Variants in ETV6 observed in about 807,000 individuals in gnomAD.
ETV6 encodes the protein ETS variant transcription factor 6, also known as transcription factor ETV6.
A neutral mutation model predicts 51.1 loss-of-function variants in ETV6; 16 were observed. The observed-to-expected ratio is 0.31, with a 90% confidence interval of 0.21 to 0.48. The LOEUF is 0.48. Among genes scored for constraint, ETV6 ranks in the 20% least tolerant of loss-of-function variants. The pLI, the probability that ETV6 is intolerant of heterozygous loss-of-function variation, is 0.99. For synonymous variants in ETV6, 240 were observed against 224.1 expected, an observed-to-expected ratio of 1.07 and a Z score of -0.64; for missense variants, 458 against 594.8, an observed-to-expected ratio of 0.77 and a Z score of 2.39.
intron 2 of ETV6, among the ~76,000 whole-genome samples, chr12:11,760,647 A>G (rs1945070827): frequency 6.6e-6 from 1 of 152,166 alleles, no homozygotes; most frequent in Non-Finnish European, 1.5e-5. Context: ...ATTGAGAAGT[A>G]TCATTGTTAG....
At chr12:11,694,409 G>C (rs1041719156) in intron 1 of ETV6, among the ~76,000 whole-genome samples, 4 of 152,278 alleles carry the variant, frequency 2.6e-5, no homozygotes, top group Middle Eastern at 3.4e-3. Flanking sequence ...CCCATCTGTT[G>C]CTTTTATAAA....
At chr12:11,781,209 G>C (rs186268722) in intron 2 of ETV6, among the ~76,000 whole-genome samples, 1 of 152,116 alleles carries the variant, frequency 6.6e-6, no homozygotes, top group Non-Finnish European at 1.5e-5. Flanking sequence ...GAATTGTGAA[G>C]GACCTCAGAG....
At chr12:11,824,153 G>A (rs1185755562) in intron 2 of ETV6, among the ~76,000 whole-genome samples, 1 of 152,202 alleles carries the variant, frequency 6.6e-6, no homozygotes, top group East Asian at 1.9e-4. Context: ...GGCAGCAGCA[G>A]TGTAACTCTC....
At chr12:11,859,760 A>G (rs758778308) in intron 4 of ETV6, among the ~76,000 whole-genome samples, 1 of 152,152 alleles carries the variant, frequency 6.6e-6, no homozygotes, top group African/African-American at 2.4e-5. Flanking sequence ...GCGCCCTGAA[A>G]ATAGAGCACA....
intron 7 of ETV6, among the ~76,000 whole-genome samples, chr12:11,889,225 G>T (rs1329688107): frequency 6.6e-6 from 1 of 152,194 alleles, no homozygotes; most frequent in African/African-American, 2.4e-5. Flanking sequence ...GAGAAAAACT[G>T]CAGATGCTAC....
At chr12:11,809,165 CA>C (rs11458715) in intron 2 of ETV6, among the ~76,000 whole-genome samples, 64 of 132,242 alleles carry the variant, frequency 4.8e-4, no homozygotes, top group Non-Finnish European at 4.7e-4. Context: ...GACCCTGTGT[CA>C]AAAAAAAAAA....
At chr12:11,656,086 T>C (rs1192211551) in intron 1 of ETV6, among the ~76,000 whole-genome samples, 1 of 152,232 alleles carries the variant, frequency 6.6e-6, no homozygotes, top group Non-Finnish European at 1.5e-5. Flanking sequence ...ACCGGCATCA[T>C]TTATTGAATG....
intron 1 of ETV6, among the ~76,000 whole-genome samples, chr12:11,729,911 C>T (rs1277285602): frequency 6.6e-6 from 1 of 152,038 alleles, no homozygotes; most frequent in Non-Finnish European, 1.5e-5. Flanking sequence ...GGGTTTTATC[C>T]CTATGTGTTT....
chr12:11,685,743 T>C (rs1864617523), intron 1 of ETV6, among the ~76,000 whole-genome samples: 1 of 152,228 alleles, frequency 6.6e-6, no homozygotes, highest in Admixed American at 6.5e-5. Flanking sequence ...CTTAATCTTT[T>C]CTGTAATAAA....
chr12:11,826,916 T>C (rs1946161853), intron 2 of ETV6, among the ~76,000 whole-genome samples: 1 of 152,060 alleles, frequency 6.6e-6, no homozygotes, highest in Non-Finnish European at 1.5e-5. Context: ...TTAGTAACCT[T>C]TACAACTCTA....
intron 2 of ETV6, among the ~76,000 whole-genome samples, chr12:11,790,383 T>C (rs1457799992): frequency 2.0e-5 from 3 of 152,174 alleles, no homozygotes; most frequent in African/African-American, 4.8e-5. Flanking sequence ...AGGCAAGTTC[T>C]CCGTGCCTGG....
At chr12:11,880,011 A>C (rs1256247603) in intron 5 of ETV6, among the ~76,000 whole-genome samples, 2 of 145,044 alleles carry the variant, frequency 1.4e-5, no homozygotes, top group Non-Finnish European at 1.5e-5. Flanking sequence ...AATAACTGAC[A>C]TGGCTTGAAT....
At chr12:11,801,351 C>T (rs546788822) in intron 2 of ETV6, among the ~76,000 whole-genome samples, 5 of 152,308 alleles carry the variant, frequency 3.3e-5, no homozygotes, top group South Asian at 2.1e-4. Context: ...ACATTTTGGA[C>T]GTGTTTCCTA....
intron 2 of ETV6, among the ~76,000 whole-genome samples, chr12:11,783,280 A>C (rs1228670689): frequency 1.3e-5 from 2 of 152,144 alleles, no homozygotes; most frequent in African/African-American, 4.8e-5. Flanking sequence ...AATTTCAGGA[A>C]GGAAAGAATG....
At chr12:11,778,619 G>A (rs1190048433) in intron 2 of ETV6, among the ~76,000 whole-genome samples, 1 of 152,074 alleles carries the variant, frequency 6.6e-6, no homozygotes, top group African/African-American at 2.4e-5. Flanking sequence ...AACTCTGCCT[G>A]AAACTTTGAT....
chr12:11,692,085 C>T (rs1244445858), intron 1 of ETV6, among the ~76,000 whole-genome samples: 1 of 152,184 alleles, frequency 6.6e-6, no homozygotes, highest in African/African-American at 2.4e-5. Flanking sequence ...GCAGTATTGA[C>T]ACATGGGGCC....
chr12:11,876,262 C>T (rs1946981270), intron 5 of ETV6, among the ~76,000 whole-genome samples: 2 of 152,136 alleles, frequency 1.3e-5, no homozygotes, highest in South Asian at 4.1e-4. Context: ...TTTATTTGCA[C>T]TTTGGATTAT....
At chr12:11,787,047 AAG>A (rs1208206734) in intron 2 of ETV6, among the ~76,000 whole-genome samples, 1 of 152,210 alleles carries the variant, frequency 6.6e-6, no homozygotes, top group South Asian at 2.1e-4. Context: ...AAGAGTCTGA[AAG>A]AGTAATGGGG....
chr12:11,763,325 G>C (rs957153386), intron 2 of ETV6, among the ~76,000 whole-genome samples: 4 of 152,102 alleles, frequency 2.6e-5, no homozygotes, highest in Non-Finnish European at 4.4e-5. Context: ...CTTAAAATTT[G>C]GCCGTGATTC....
Sources: allele counts gnomAD v4.1 joint callset (sites outside exome capture counted in the v4.1 genomes callset), GRCh38; gene constraint gnomAD v4.1.1; transcripts MANE v1.5; gene names NCBI Gene and HGNC (gene_info 2026-07-23, HGNC 2026-07-21).